Variants in MTSS2 observed in about 807,000 individuals in gnomAD.
MTSS2 encodes protein MTSS 2.
A neutral mutation model predicts 67.1 loss-of-function variants in MTSS2; 27 were observed. The observed-to-expected ratio is 0.40, with a 90% confidence interval of 0.30 to 0.55. The LOEUF (loss-of-function observed/expected upper bound fraction) is 0.55. MTSS2 is among the 20% of genes least tolerant of loss of function. MTSS2 has a pLI of 0.43. For synonymous variants in MTSS2, 624 were observed against 468.6 expected (o/e 1.33, Z -4.28); for missense variants, 1,171 against 1,067.8 (o/e 1.10, Z -1.35).
At position 70,664,911 on chromosome 16, in the gene MTSS2, C is replaced by G. The variant is rs2052645845; in HGVS notation, c.1305+9G>C. ...ACCTGGGCGTGAAGGGGGGCCCTGG[C>G]CAGCCTACCTTGGCTGCGATGGTGG... On this transcript the variant is annotated intron_variant, in intron 13 of 14. Coordinates refer to ENST00000338779, the MANE Select transcript of MTSS2 (RefSeq NM_138383.3). The G allele has an allele frequency of 7.8e-6, 12 of 1,536,998 alleles. No homozygotes were observed. The East Asian group carries it at 2.6e-4, about 34-fold the overall frequency.
intron 11 of MTSS2, among the ~76,000 whole-genome samples, chr16:70,667,565 G>C (rs79612622): frequency 0.025 from 3,784 of 152,002 alleles, 171 homozygotes; most frequent in African/African-American, 0.084. Flanking sequence ...AGATATGCAA[G>C]ATCTTTACAC....
At position 70,673,503 on chromosome 16, in the gene MTSS2, GACAA is replaced by G. The variant is rs541712821; in HGVS notation, c.1053+799_1053+802del. Among the ~76,000 whole-genome samples, 50 of 152,246 alleles carry G rather than the reference GACAA, an allele frequency of 3.3e-4. 2 individuals carry two copies. In the South Asian group the frequency reaches 5.6e-3, roughly 17 times the overall value. On this transcript the variant is annotated intron_variant, in intron 11 of 14. Coordinates refer to ENST00000338779, the MANE Select transcript of MTSS2 (RefSeq NM_138383.3). Reference sequence around the variant, plus strand: ...GAGGACAAAATAAAACATGTTTACAGACAAACAAACAAAAACTGAGAGTTTACAA... The same window carrying G: ...GAGGACAAAATAAAACATGTTTACAGACAAACAAAAACTGAGAGTTTACAA...
rs1013359047 is a variant in MTSS2, at chr16:70,663,028, C to A, written c.*649G>T. Reference sequence around the variant, plus strand: ...AGCCACCACAGGGCCCCCAAGACCCCCCCCCCCAAGCAGCCCCTGGTTTCC... The same window carrying A: ...AGCCACCACAGGGCCCCCAAGACCCACCCCCCCAAGCAGCCCCTGGTTTCC... On this transcript the variant is annotated 3_prime_UTR_variant, in exon 15 of 15. Transcript: ENST00000338779. 1.3e-5 allele frequency: 2 copies of A among 152,440 alleles called. No individual in the cohort carries two copies. The highest frequency in any genetic ancestry group is 2.9e-5 in the Non-Finnish European group (2 of 68,316). The allele number at this position is 152,440 out of a possible 1,614,324, so 9.4% of individuals were successfully genotyped here. A position where few individuals can be genotyped will look rare whatever the true frequency, so the allele number is the denominator to read the frequency against.
rs377414647 is a variant in MTSS2, at chr16:70,678,226, G to A, written c.624+26C>T. 8 of 1,590,412 alleles carry A rather than the reference G, an allele frequency of 5.0e-6. No homozygotes were observed. In the African/African-American group the frequency reaches 9.4e-5, roughly 19 times the overall value. ...AACCCTGGGCCCAGCCCACCCCTCT[G>A]GGGTCTGAGTCCCCAGGAGTCCCAC... On this transcript the variant is annotated intron_variant, in intron 8 of 14. Coordinates refer to ENST00000338779, the MANE Select transcript of MTSS2 (RefSeq NM_138383.3).
chr16:70,678,673 C>A (rs1003906289), intron 7 of MTSS2, among the ~76,000 whole-genome samples: 1 of 152,224 alleles, frequency 6.6e-6, no homozygotes. Flanking sequence ...CCGGGGGAGG[C>A]TCTTGGCGCC....
chr16:70,662,031 G>C lies in MTSS2; in HGVS notation c.*1646C>G, dbSNP rs1388854161. 6.6e-6 allele frequency: 1 copy of C among 152,564 alleles called. No homozygotes were observed. Among genetic ancestry groups the C allele is most frequent in the African/African-American group, 2.4e-5 (1 of 41,414 alleles). 9.5% of individuals were successfully genotyped at this position (152,564 alleles called of 1,614,324 possible). The stretch of plus-strand genomic sequence containing the variant: ...CGGCCAGGCAGTTGTTGAACCTAGT[G>C]ACTTACTTACAGGGACCATTCTTCA... On this transcript the variant is annotated 3_prime_UTR_variant, in exon 15 of 15. Coordinates refer to ENST00000338779, the MANE Select transcript of MTSS2 (RefSeq NM_138383.3).
chr16:70,672,071 G>A (rs1177650548), intron 11 of MTSS2, among the ~76,000 whole-genome samples: 4 of 152,234 alleles, frequency 2.6e-5, no homozygotes, highest in African/African-American at 9.6e-5. Flanking sequence ...GTCCTAGCCA[G>A]GGGCAGTGGC....
chr16:70,664,985 T>G lies in MTSS2; in HGVS notation c.1240A>C (p.Thr414Pro), dbSNP rs1289774510. Residue 414 changes from threonine to proline, a missense_variant, in exon 13 of 15, where the codon ACC (threonine) becomes CCC (proline). By Grantham distance (38) the Thr-to-Pro change is conservative. This residue lies in a region of MTSS2 where 924 missense variants were observed against 756.0 expected (regional missense o/e 1.22). Coordinates refer to ENST00000338779, the MANE Select transcript of MTSS2 (RefSeq NM_138383.3). ...GCCTCTTCCCCGCTGGGGCCCAGGG[T>G]GCCCCCACTGGCAGGGCCTGGCTCT... The part of the protein sequence containing the change: ...DTEPGPASGG[T>P]LGPSGEEAPR... 6 of 1,587,080 alleles carry G rather than the reference T, an allele frequency of 3.8e-6. No individual in the cohort carries two copies. The Admixed American group carries it at 5.2e-5, about 14-fold the overall frequency.
chr16:70,685,495 C>G (rs1026714681), intron 1 of MTSS2, among the ~76,000 whole-genome samples: 1 of 152,070 alleles, frequency 6.6e-6, no homozygotes, highest in Non-Finnish European at 1.5e-5. Flanking sequence ...CAGGACCCCA[C>G]GGGGCCACCG....
At chr16:70,675,343 A>G (rs2053082152) in intron 10 of MTSS2, among the ~76,000 whole-genome samples, 1 of 151,892 alleles carries the variant, frequency 6.6e-6, no homozygotes, top group South Asian at 2.1e-4. Flanking sequence ...GAATCGCTTG[A>G]ACCCGGGAGG....
intron 11 of MTSS2, among the ~76,000 whole-genome samples, chr16:70,668,197 G>A (rs1703485514): frequency 6.6e-6 from 1 of 152,064 alleles, no homozygotes; most frequent in African/African-American, 2.4e-5. Flanking sequence ...TGGATTGCTT[G>A]AGAGTAGGAG....
chr16:70,679,362 G>C (rs766941708), intron 6 of MTSS2, 39 bp from the exon 7 acceptor site: 5 of 1,613,092 alleles, frequency 3.1e-6, no homozygotes, highest in South Asian at 1.1e-5. Flanking sequence ...GAGAGACAGA[G>C]AAAGAAAGAA....
intron 1 of MTSS2, among the ~76,000 whole-genome samples, chr16:70,684,889 A>G (rs1316910716): frequency 6.6e-6 from 1 of 152,144 alleles, no homozygotes; most frequent in Non-Finnish European, 1.5e-5. Context: ...ATGGGGGCTG[A>G]GGTCAGGGGA....
intron 1 of MTSS2, among the ~76,000 whole-genome samples, chr16:70,682,458 G>C (rs1220191491): frequency 6.6e-6 from 1 of 152,040 alleles, no homozygotes; most frequent in Non-Finnish European, 1.5e-5. Flanking sequence ...AAGTTGCTAG[G>C]GGTGGAGGGG....
chr16:70,672,572 A>T (rs1464335737), intron 11 of MTSS2, among the ~76,000 whole-genome samples: 1 of 151,530 alleles, frequency 6.6e-6, no homozygotes, highest in Non-Finnish European at 1.5e-5. Context: ...GGAAGAGTAT[A>T]TGGGAACTCT....
chr16:70,667,347 G>C (rs1247737112), intron 11 of MTSS2, among the ~76,000 whole-genome samples: 1 of 127,980 alleles, frequency 7.8e-6, no homozygotes, highest in Admixed American at 7.8e-5. Context: ...TATTAAGAAA[G>C]AATCTACAAA....
intron 3 of MTSS2, 85 bp downstream of exon 3, chr16:70,680,709 T>C (rs1158379242): frequency 7.9e-7 from 1 of 1,260,586 alleles, no homozygotes; most frequent in Non-Finnish European, 1.1e-6. Context: ...GTCCCGTCCT[T>C]TCCCTGGCCC....
rs759595687 is a variant in MTSS2 at position 70,663,781 on chromosome 16, C to A, written c.2140G>T (p.Ala714Ser). 9.2e-6 allele frequency: 12 copies of A among 1,307,994 alleles called. No homozygotes were observed. In the Admixed American group the frequency reaches 1.8e-4, roughly 20 times the overall value. 81.0% of individuals were successfully genotyped at this position (1,307,994 alleles called of 1,614,324 possible). The change falls in exon 15 of 15, where the codon GCC becomes TCC. Residue 714 changes from alanine (A) to serine (S), a missense_variant. By Grantham distance (99) the Ala-to-Ser change is moderately conservative. Transcript: ENST00000338779. ...TEETPTPPPAATSDPPAEDML... is the reference protein window; with the variant it reads ...TEETPTPPPASTSDPPAEDML... Reference sequence around the variant, plus strand: ...TCTTCGGCCGGGGGGTCGCTGGTGGCGGCTGGGGGTGGGGTGGGCGTCTCC... The same window carrying A: ...TCTTCGGCCGGGGGGTCGCTGGTGGAGGCTGGGGGTGGGGTGGGCGTCTCC...
chr16:70,663,562 C>T lies in MTSS2; in HGVS notation c.*115G>A. ...GTGTCTTTCCATAAAGTGGCATGGC[C>T]TCTGCCCTGGCTCTGTCCTCTCTCC... On this transcript the variant is annotated 3_prime_UTR_variant, in exon 15 of 15. Coordinates refer to ENST00000338779, the MANE Select transcript of MTSS2 (RefSeq NM_138383.3). The T allele has an allele frequency of 1.4e-6, 2 of 1,432,190 alleles. No individual in the cohort carries two copies. Among genetic ancestry groups the T allele is most frequent in the South Asian group, 1.5e-5 (1 of 66,884 alleles). 88.7% of individuals were successfully genotyped at this position (1,432,190 alleles called of 1,614,324 possible).
Sources: gnomAD v4.1 joint callset for allele counts (sites outside exome capture counted in the v4.1 genomes callset) on GRCh38, gnomAD v4.1.1 for gene constraint, gnomAD v4.1.1 regional missense constraint, MANE v1.5 for transcripts, NCBI Gene and HGNC (gene_info 2026-07-23, HGNC 2026-07-21) for gene names.